The following CADPS2 variants were observed in gnomAD, a reference collection of about 807,000 sequenced individuals.
CADPS2 encodes the protein calcium-dependent secretion activator 2.
CADPS2 carries 93 observed loss-of-function variants against 172.5 expected under a neutral mutation model. The ratio of observed to expected loss-of-function variants is 0.54; its 90% CI spans 0.46 to 0.64. The LOEUF is 0.64. Ranked by LOEUF, CADPS2 falls within the 30% of genes least tolerant of loss-of-function variation. The probability of loss-of-function intolerance (pLI) is 0.00; values close to 1 mark genes in which losing one functional copy is unlikely to be tolerated. For synonymous variants in CADPS2, 546 were observed against 555.2 expected (o/e 0.98, Z 0.23); for missense variants, 1,420 against 1,565.9 (o/e 0.91, Z 1.57).
chr7:122,846,916 T>G (rs1487901474), intron 1 of CADPS2, among the ~76,000 whole-genome samples: 1 of 152,180 alleles, frequency 6.6e-6, no homozygotes, highest in Non-Finnish European at 1.5e-5. Context: ...CTTATTAAAA[T>G]GCAGATTCCT....
rs929377538 is a variant in CADPS2 at position 122,327,799 on chromosome 7, T to A, written c.3613-2218A>T. Reference sequence around the variant, plus strand: ...GAAAAAGAATTTGGGAATAAAATGATCTAAAGTTAACTGCAAAAACAGAAA... The same window carrying A: ...GAAAAAGAATTTGGGAATAAAATGAACTAAAGTTAACTGCAAAAACAGAAA... On this transcript the variant is annotated intron_variant, in intron 28 of 29. Coordinates refer to ENST00000449022, the MANE Select transcript of CADPS2 (RefSeq NM_017954.11). 4.1e-4 allele frequency among the ~76,000 whole-genome samples: 63 copies of A among 152,052 alleles called. 1 individual carries two copies. The highest frequency in any genetic ancestry group is 9.7e-4 in the East Asian group (5 of 5,176).
rs543233309 is a variant in CADPS2, at chr7:122,558,416, C to T, written c.1336-3727G>A. Reference sequence around the variant, plus strand: ...GCAAACTATTTTGTTCTTTACCATTCGTTTCTCTTAACCTTTCCGTATGCA... The same window carrying T: ...GCAAACTATTTTGTTCTTTACCATTTGTTTCTCTTAACCTTTCCGTATGCA... On this transcript the variant is annotated intron_variant, in intron 7 of 29. Transcript: ENST00000449022. Among the ~76,000 whole-genome samples, 26 of 152,232 alleles carry T rather than the reference C, an allele frequency of 1.7e-4. No individual in the cohort carries two copies. In the East Asian group the frequency reaches 4.6e-3, roughly 27 times the overall value.
At chr7:122,571,569 T>G (rs576018825) in intron 7 of CADPS2, among the ~76,000 whole-genome samples, 2 of 152,222 alleles carry the variant, frequency 1.3e-5, no homozygotes, top group East Asian at 3.9e-4. Flanking sequence ...GCAACAACTT[T>G]CAAAGTCAGG....
At chr7:122,518,229 A>C (rs1016506009) in intron 8 of CADPS2, among the ~76,000 whole-genome samples, 1 of 152,034 alleles carries the variant, frequency 6.6e-6, no homozygotes, top group Non-Finnish European at 1.5e-5. Context: ...GTTGACCTCA[A>C]ATAGTTAGAA....
chr7:122,653,332 G>A (rs2135054333), intron 3 of CADPS2, among the ~76,000 whole-genome samples: 1 of 152,308 alleles, frequency 6.6e-6, no homozygotes, highest in South Asian at 2.1e-4. Flanking sequence ...CCTGAAACAT[G>A]GAGAAGGTGG....
At chr7:122,727,079 C>A (rs555318229) in intron 2 of CADPS2, among the ~76,000 whole-genome samples, 1 of 152,086 alleles carries the variant, frequency 6.6e-6, no homozygotes, top group East Asian at 1.9e-4. Context: ...TCATGAAAGA[C>A]ACAGCTTTGC....
chr7:122,715,417 GAC>G (rs1338154459), intron 2 of CADPS2, among the ~76,000 whole-genome samples: 3 of 152,172 alleles, frequency 2.0e-5, no homozygotes, highest in African/African-American at 7.2e-5. Context: ...TTGTGAATAA[GAC>G]ACATGAATCC....
intron 14 of CADPS2, among the ~76,000 whole-genome samples, chr7:122,454,776 A>G (rs895390158): frequency 2.6e-5 from 4 of 152,148 alleles, no homozygotes; most frequent in African/African-American, 9.7e-5. Flanking sequence ...AAAAATTATC[A>G]TTTATATAAG....
intron 2 of CADPS2, among the ~76,000 whole-genome samples, chr7:122,675,358 A>G (rs549022894): frequency 1.6e-4 from 25 of 152,342 alleles, no homozygotes; most frequent in African/African-American, 5.3e-4. Context: ...ATGGTCACGT[A>G]CCGGAAAAGG....
intron 6 of CADPS2, among the ~76,000 whole-genome samples, chr7:122,588,792 T>C (rs2070224395): frequency 6.6e-6 from 1 of 151,902 alleles, no homozygotes; most frequent in African/African-American, 2.4e-5. Context: ...GAGTAAGGAC[T>C]GTGTTATTTT....
In CADPS2 at chr7:122,541,719, ATATTCATATATATT is replaced by A. The variant is rs1371922509; in HGVS notation, c.1475+12817_1475+12830del. 1.9e-3 allele frequency among the ~76,000 whole-genome samples: 280 copies of A among 145,726 alleles called. 1 individual carries two copies. Among genetic ancestry groups the A allele is most frequent in the African/African-American group, 6.3e-3 (255 of 40,304 alleles). ...TGTTTATATATTCATATATTTACAT[ATATTCATATATATT>A]TATTCATATATTTACATATATTCAT... On this transcript the variant is annotated intron_variant, in intron 8 of 29. Transcript: ENST00000449022.
chr7:122,395,630 T>G (rs910553541), intron 20 of CADPS2: 3 of 152,130 alleles, frequency 2.0e-5, no homozygotes, highest in Non-Finnish European at 4.4e-5. Flanking sequence ...TTCACTGTAG[T>G]ATGCAAATTA....
At chr7:122,559,453 C>A (rs1563700683) in intron 7 of CADPS2, among the ~76,000 whole-genome samples, 1 of 152,046 alleles carries the variant, frequency 6.6e-6, no homozygotes, top group Non-Finnish European at 1.5e-5. Flanking sequence ...TCTGCCATGT[C>A]AATTCTCTTT....
chr7:122,438,606 T>A, intron 16 of CADPS2, 142 bp from the exon 17 acceptor site: 1 of 942,564 alleles, frequency 1.1e-6, no homozygotes, highest in Non-Finnish European at 1.6e-6. Flanking sequence ...GGGAGAGGGG[T>A]CCTAGGTAAC....
rs768023578 is a variant in CADPS2 at position 122,393,200 on chromosome 7, A to T, written c.3004T>A (p.Ser1002Thr). The T allele has an allele frequency of 3.1e-6, 5 of 1,613,572 alleles. No homozygotes were observed. Among genetic ancestry groups the T allele is most frequent in the Non-Finnish European group, 4.2e-6 (5 of 1,179,726 alleles). ...AAATAAGTGAGGAATACACACGTGGACTCATATAAAGAAGGCATCCACGAA... is the reference window on the plus strand; with the variant it reads ...AAATAAGTGAGGAATACACACGTGGTCTCATATAAAGAAGGCATCCACGAA... ...TASWMPSLYE[S>T]TNGSATSEDL... is the part of the protein sequence containing the mutation. Residue 1002 changes from serine to threonine, a missense_variant, in exon 22 of 30, where the codon TCC (serine) becomes ACC (threonine). Coordinates refer to ENST00000449022, the MANE Select transcript of CADPS2 (RefSeq NM_017954.11).
intron 9 of CADPS2, among the ~76,000 whole-genome samples, chr7:122,507,148 CAG>C (rs2130673094): frequency 6.6e-6 from 1 of 152,050 alleles, no homozygotes; most frequent in South Asian, 2.1e-4. Context: ...CAATATCAAA[CAG>C]AATAATGTGA....
intron 2 of CADPS2, among the ~76,000 whole-genome samples, chr7:122,676,212 A>C (rs1212492701): frequency 1.3e-5 from 2 of 152,190 alleles, no homozygotes; most frequent in Non-Finnish European, 2.9e-5. Flanking sequence ...TAGTCTGTTT[A>C]CGAGAAACAC....
chr7:122,353,175 G>A (rs1333804960), intron 27 of CADPS2, among the ~76,000 whole-genome samples: 3 of 152,056 alleles, frequency 2.0e-5, no homozygotes, highest in African/African-American at 7.2e-5. Flanking sequence ...CTGCATGGGT[G>A]GGAAAATGGA....
In CADPS2 at chr7:122,435,135, GC is replaced by G. The variant is rs774800689; in HGVS notation, c.2476+3205del. Among the ~76,000 whole-genome samples, 11 of 152,126 alleles carry G rather than the reference GC, an allele frequency of 7.2e-5. No individual in the cohort carries two copies. The East Asian group carries it at 1.9e-3, about 27-fold the overall frequency. The stretch of plus-strand genomic sequence containing the variant: ...TCCTAATCAAAATGATCTAATAGAA[GC>G]CCTGAGAAAAAGAGAGCTATTCATC... On this transcript the variant is annotated intron_variant, in intron 17 of 29. Coordinates refer to ENST00000449022, the MANE Select transcript of CADPS2 (RefSeq NM_017954.11).
Sources: gnomAD v4.1 joint callset for allele counts (sites outside exome capture counted in the v4.1 genomes callset) on GRCh38, gnomAD v4.1.1 for gene constraint, MANE v1.5 for transcripts, NCBI Gene and HGNC (gene_info 2026-07-23, HGNC 2026-07-21) for gene names.